Variants in EXOC2 observed in about 807,000 individuals in gnomAD.
The protein encoded by EXOC2 is SEC5-like 1.
A neutral mutation model predicts 131.8 loss-of-function variants in EXOC2; 70 were observed. The observed-to-expected ratio is 0.53, with a 90% CI of 0.44 to 0.65. The LOEUF (loss-of-function observed/expected upper bound fraction) is 0.65. EXOC2 is among the 30% of genes least tolerant of loss of function. EXOC2 has a pLI of 0.00. For synonymous variants in EXOC2, 411 were observed against 398.4 expected, an observed-to-expected ratio of 1.03 and a Z score of -0.38; for missense variants, 923 against 1,108.6, an observed-to-expected ratio of 0.83 and a Z score of 2.38.
intron 12 of EXOC2, among the ~76,000 whole-genome samples, chr6:575,810 A>G (rs1348545802): frequency 1.3e-5 from 2 of 152,234 alleles, no homozygotes; most frequent in Non-Finnish European, 2.9e-5. Context: ...GTGCAATTAC[A>G]TTGAACATTA....
intron 17 of EXOC2, among the ~76,000 whole-genome samples, chr6:557,835 A>G (rs1243928070): frequency 6.6e-6 from 1 of 152,080 alleles, no homozygotes; most frequent in Admixed American, 6.5e-5. Context: ...GTGGGCAAGA[A>G]ACCACTGGGA....
At chr6:665,233 AT>A (rs1171253326) in intron 1 of EXOC2, among the ~76,000 whole-genome samples, 2 of 152,250 alleles carry the variant, frequency 1.3e-5, no homozygotes, top group Admixed American at 6.5e-5. Context: ...CCACAATGCA[AT>A]AGCATCTTAC....
At chr6:653,829 C>A (rs956767340) in intron 1 of EXOC2, among the ~76,000 whole-genome samples, 7 of 152,176 alleles carry the variant, frequency 4.6e-5, no homozygotes, top group African/African-American at 1.7e-4. Context: ...GAAGTCAATA[C>A]CTGGCTTCAA....
intron 21 of EXOC2, among the ~76,000 whole-genome samples, chr6:550,799 C>T (rs935100155): frequency 9.2e-5 from 14 of 152,168 alleles, no homozygotes; most frequent in African/African-American, 2.2e-4. Context: ...ACATGCTGTT[C>T]GCCTCAAAAA....
At chr6:629,289 T>C (rs1424631498) in intron 4 of EXOC2, among the ~76,000 whole-genome samples, 1 of 152,194 alleles carries the variant, frequency 6.6e-6, no homozygotes, top group African/African-American at 2.4e-5. Flanking sequence ...GCACTAATTA[T>C]AAAAGTTACT....
chr6:657,274 A>C, intron 1 of EXOC2: 1 of 226,408 alleles, frequency 4.4e-6, no homozygotes, highest in African/African-American at 2.3e-5. Flanking sequence ...AGACAAAATC[A>C]TCACTCAGAT....
intron 23 of EXOC2, among the ~76,000 whole-genome samples, chr6:518,460 G>A (rs1378738726): frequency 6.6e-6 from 1 of 152,212 alleles, no homozygotes. Flanking sequence ...AAACAGCATA[G>A]TTTATAGCTA....
intron 12 of EXOC2, among the ~76,000 whole-genome samples, chr6:575,479 G>GCTCCCTCTCCATCCT (rs1758527063): frequency 6.7e-6 from 1 of 150,264 alleles, no homozygotes; most frequent in Admixed American, 6.6e-5. Context: ...CCTCTCCCTC[G>GCTCCCTCTCCATCCT]CTCCCTCTCC....
intron 1 of EXOC2, among the ~76,000 whole-genome samples, chr6:649,849 A>T (rs1762753005): frequency 6.6e-6 from 1 of 152,208 alleles, no homozygotes; most frequent in Non-Finnish European, 1.5e-5. Context: ...CCAATGATTT[A>T]TTTTCTACAG....
intron 22 of EXOC2, 123 bp from the exon 23 acceptor site, chr6:532,733 C>G (rs891730662): frequency 3.2e-5 from 31 of 962,236 alleles, no homozygotes; most frequent in Non-Finnish European, 3.7e-5. Context: ...TACAAAAACT[C>G]GTGACTTTTA....
At chr6:684,032 GCT>G (rs966516883) in intron 1 of EXOC2, among the ~76,000 whole-genome samples, 1 of 152,136 alleles carries the variant, frequency 6.6e-6, no homozygotes, top group African/African-American at 2.4e-5. Flanking sequence ...AAACAGTGTT[GCT>G]CTCTCTCTCA....
At chr6:524,888 G>C (rs1204072524) in intron 23 of EXOC2, 5 of 14,604 alleles carry the variant, frequency 3.4e-4, no homozygotes, top group Non-Finnish European at 5.1e-4. Flanking sequence ...AGTTTCCATC[G>C]AGTGTTTCTT....
chr6:592,302 T>C (rs1759583425), intron 11 of EXOC2, among the ~76,000 whole-genome samples, 167 bp downstream of exon 11: 2 of 152,014 alleles, frequency 1.3e-5, no homozygotes, highest in African/African-American at 4.8e-5. Context: ...TCCCTTTTCA[T>C]TAGTACAATG....
At chr6:657,032 C>T (rs1763158011) in intron 1 of EXOC2, 1 of 1,087,486 alleles carries the variant, frequency 9.2e-7, no homozygotes, top group East Asian at 2.8e-5. Flanking sequence ...GTGGCGCTGC[C>T]CTCCCCGCCC....
intron 1 of EXOC2, among the ~76,000 whole-genome samples, chr6:652,811 T>C (rs1263267875): frequency 6.6e-6 from 1 of 152,214 alleles, no homozygotes; most frequent in Non-Finnish European, 1.5e-5. Flanking sequence ...CTCCTTTTAT[T>C]GTGCTTCACT....
At chr6:615,198 T>G (rs1410358877) in intron 6 of EXOC2, among the ~76,000 whole-genome samples, 41 of 151,878 alleles carry the variant, frequency 2.7e-4, no homozygotes, top group African/African-American at 9.7e-4. Context: ...TGTGTGTGTG[T>G]GTGTGTGTGT....
chr6:634,365 G>A (rs1231559612), intron 2 of EXOC2, among the ~76,000 whole-genome samples: 4 of 152,190 alleles, frequency 2.6e-5, no homozygotes, highest in African/African-American at 9.7e-5. Context: ...GATTACAGGT[G>A]TGAGCCACCA....
intron 3 of EXOC2, among the ~76,000 whole-genome samples, chr6:632,419 G>A (rs1053325273): frequency 1.3e-5 from 2 of 152,158 alleles, no homozygotes; most frequent in African/African-American, 4.8e-5. Flanking sequence ...AGTGGTCAGC[G>A]CATAAAGAAG....
chr6:568,364 C>T (rs1758089238), intron 13 of EXOC2, among the ~76,000 whole-genome samples: 1 of 152,196 alleles, frequency 6.6e-6, no homozygotes, highest in South Asian at 2.1e-4. Flanking sequence ...CTTTATGTGC[C>T]TTCATAGTTG....
Sources: gnomAD v4.1 joint callset for allele counts (sites outside exome capture counted in the v4.1 genomes callset) on GRCh38, gnomAD v4.1.1 for gene constraint, MANE v1.5 for transcripts, NCBI Gene and HGNC (gene_info 2026-07-23, HGNC 2026-07-21) for gene names.